The following CCDC178 variants were observed in gnomAD, a reference collection of about 807,000 sequenced individuals.
CCDC178 encodes coiled-coil domain containing 178, also known as coiled-coil domain-containing protein 178.
Under a neutral mutation model 117.4 loss-of-function variants are expected in CCDC178, and 126 were observed. That is an observed-to-expected ratio of 1.07 (90% confidence interval 0.93 to 1.24). CCDC178 has a LOEUF of 1.24. Among genes scored for constraint, CCDC178 ranks in the 50% most tolerant of loss-of-function variants. The pLI is 0.00. For synonymous variants in CCDC178, 283 were observed against 313.4 expected (o/e 0.90, Z 1.02); for missense variants, 1,030 against 986.9 (o/e 1.04, Z -0.59).
intron 9 of CCDC178, among the ~76,000 whole-genome samples, chr18:33,345,318 A>G (rs1435124258): frequency 6.6e-6 from 1 of 152,194 alleles, no homozygotes; most frequent in Non-Finnish European, 1.5e-5. Flanking sequence ...TGTAGAACAA[A>G]CAAACAAACA....
chr18:33,001,872 G>C (rs1243242272), intron 21 of CCDC178, among the ~76,000 whole-genome samples: 2 of 152,140 alleles, frequency 1.3e-5, no homozygotes, highest in African/African-American at 4.8e-5. Context: ...AAAAAGAACA[G>C]TAGTAGCTAT....
intron 20 of CCDC178, among the ~76,000 whole-genome samples, chr18:33,107,332 C>A (rs271436): frequency 0.16 from 24,250 of 151,330 alleles, 2,717 homozygotes; most frequent in African/African-American, 0.32. Flanking sequence ...AAATGTATTC[C>A]ATCATTTATT....
chr18:33,248,192 T>A (rs1352880400), intron 14 of CCDC178, among the ~76,000 whole-genome samples: 2 of 151,932 alleles, frequency 1.3e-5, no homozygotes, highest in African/African-American at 4.8e-5. Context: ...TATAGTTCCA[T>A]ACATTGCCAA....
intron 7 of CCDC178, among the ~76,000 whole-genome samples, chr18:33,354,608 AT>A (rs749999694): frequency 0.083 from 11,469 of 138,422 alleles, 487 homozygotes; most frequent in Non-Finnish European, 0.098. Context: ...CAGTTCCAGA[AT>A]TTTTTTTTTT....
intron 21 of CCDC178, among the ~76,000 whole-genome samples, chr18:33,077,803 A>C (rs2057235290): frequency 6.6e-6 from 1 of 152,140 alleles, no homozygotes; most frequent in African/African-American, 2.4e-5. Flanking sequence ...CTACCAATCA[A>C]AAACAGCCCA....
chr18:33,382,663 C>T (rs539867098), intron 5 of CCDC178, among the ~76,000 whole-genome samples: 5 of 152,280 alleles, frequency 3.3e-5, no homozygotes, highest in African/African-American at 7.2e-5. Context: ...ACTTTTCCTA[C>T]GGATTTTTGC....
At chr18:33,389,665 G>T in intron 4 of CCDC178, 36 bp from the exon 5 acceptor site, 2 of 1,095,442 alleles carry the variant, frequency 1.8e-6, no homozygotes, top group Non-Finnish European at 1.3e-6. Flanking sequence ...TTAGTGAGTA[G>T]TTAATATTAT....
chr18:33,015,849 A>C (rs1271366769), intron 21 of CCDC178, among the ~76,000 whole-genome samples: 1 of 152,214 alleles, frequency 6.6e-6, no homozygotes, highest in Non-Finnish European at 1.5e-5. Flanking sequence ...AAGTATAATG[A>C]CTAAAATAAA....
chr18:33,141,427 T>A (rs1014271361), intron 20 of CCDC178, among the ~76,000 whole-genome samples: 1 of 151,948 alleles, frequency 6.6e-6, no homozygotes, highest in Non-Finnish European at 1.5e-5. Context: ...TTCCTGCAGA[T>A]CAGAAGCAGA....
chr18:33,200,097 T>C (rs1024510871), intron 20 of CCDC178, among the ~76,000 whole-genome samples: 1 of 152,218 alleles, frequency 6.6e-6, no homozygotes, highest in African/African-American at 2.4e-5. Context: ...ATTTCACTTC[T>C]AAATTCTTCA....
chr18:33,352,896 A>G (rs969779598), intron 7 of CCDC178, among the ~76,000 whole-genome samples: 8 of 152,048 alleles, frequency 5.3e-5, no homozygotes, highest in South Asian at 2.1e-4. Flanking sequence ...GCTGTTGTTA[A>G]GTGGAGTATT....
chr18:33,194,394 T>G (rs898978774), intron 20 of CCDC178, among the ~76,000 whole-genome samples: 1 of 152,140 alleles, frequency 6.6e-6, no homozygotes, highest in African/African-American at 2.4e-5. Context: ...AGTACTGACA[T>G]GTGGTGCCTG....
chr18:33,082,051 A>T (rs940956586), intron 21 of CCDC178, among the ~76,000 whole-genome samples: 1 of 152,206 alleles, frequency 6.6e-6, no homozygotes, highest in Non-Finnish European at 1.5e-5. Context: ...CTTTACTTGA[A>T]GTCCATTTCA....
chr18:33,148,490 G>A (rs2144330992), intron 20 of CCDC178, among the ~76,000 whole-genome samples: 1 of 152,014 alleles, frequency 6.6e-6, no homozygotes, highest in South Asian at 2.1e-4. Context: ...GGGAGAGGGA[G>A]AGGGAGAGCT....
chr18:33,135,969 T>A (rs1312809732), intron 20 of CCDC178: 1 of 152,168 alleles, frequency 6.6e-6, no homozygotes, highest in East Asian at 1.9e-4. Context: ...AGAATTTTTA[T>A]ACCAGTCTGT....
intron 20 of CCDC178, among the ~76,000 whole-genome samples, chr18:33,141,139 T>C (rs569587750): frequency 2.0e-5 from 3 of 152,308 alleles, no homozygotes; most frequent in Admixed American, 2.0e-4. Context: ...ACCTCTTTTT[T>C]ATTCCTAGTC....
At chr18:33,279,082 A>C (rs921305673) in intron 12 of CCDC178, among the ~76,000 whole-genome samples, 1 of 152,102 alleles carries the variant, frequency 6.6e-6, no homozygotes, top group Non-Finnish European at 1.5e-5. Flanking sequence ...CCTATTCAAC[A>C]TAGTGTTGGA....
intron 11 of CCDC178, among the ~76,000 whole-genome samples, chr18:33,314,322 G>A (rs1015149129): frequency 5.3e-5 from 8 of 150,888 alleles, no homozygotes; most frequent in Middle Eastern, 3.5e-3. Flanking sequence ...GCTACTTCTC[G>A]GGATCTAAAA....
intron 10 of CCDC178, among the ~76,000 whole-genome samples, chr18:33,324,485 T>C (rs2062559185): frequency 6.6e-6 from 1 of 152,000 alleles, no homozygotes. Context: ...TTTTGATTAA[T>C]ATTGGTTGCC....
Sources: gnomAD v4.1 joint callset for allele counts (sites outside exome capture counted in the v4.1 genomes callset) on GRCh38, gnomAD v4.1.1 for gene constraint, MANE v1.5 for transcripts, NCBI Gene and HGNC (gene_info 2026-07-23, HGNC 2026-07-21) for gene names.